The following PRMT8 variants were observed in gnomAD, a reference collection of about 807,000 sequenced individuals.
The protein encoded by PRMT8 is protein arginine N-methyltransferase 8.
In PRMT8, 7 loss-of-function variants were observed where a neutral mutation model predicts 47.1. That is an observed-to-expected ratio of 0.15 (90% CI 0.08 to 0.28). The LOEUF (loss-of-function observed/expected upper bound fraction) is 0.28. PRMT8 is among the 10% of genes least tolerant of loss of function. The pLI is 1.00. For synonymous variants in PRMT8, 188 were observed against 186.5 expected, an observed-to-expected ratio of 1.01 and a Z score of -0.07; for missense variants, 237 against 505.4, an observed-to-expected ratio of 0.47 and a Z score of 5.09.
At chr12:3,575,683 A>T (rs1009969322) in intron 6 of PRMT8, among the ~76,000 whole-genome samples, 2 of 152,246 alleles carry the variant, frequency 1.3e-5, no homozygotes, top group African/African-American at 4.8e-5. Flanking sequence ...TGCTGGGTAG[A>T]TTAAATGAAG....
At chr12:3,477,940 G>A (rs796692173) in intron 1 of PRMT8, among the ~76,000 whole-genome samples, 7 of 152,246 alleles carry the variant, frequency 4.6e-5, no homozygotes, top group African/African-American at 1.7e-4. Context: ...TTTCTCTTAG[G>A]TTGTATTCTG....
rs895567094 is a variant in PRMT8 at position 3,514,470 on chromosome 12, C to T, written c.75+22770C>T. Among the ~76,000 whole-genome samples the T allele has an allele frequency of 1.3e-5, 2 of 152,158 alleles. No homozygotes were observed. The highest frequency in any genetic ancestry group is 2.4e-5 in the African/African-American group (1 of 41,430). On this transcript the variant is annotated intron_variant, in intron 1 of 9. Transcript: ENST00000382622. This position sits in a 1 kb window ranked among gnomAD's most constrained non-coding sequence, Gnocchi z 5.9. ...CCTGCAGAGCCTCTCCAAATCCATC[C>T]GTACTTCCACTGAAGATGTCCAATA...
In PRMT8 at chr12:3,479,513, A is replaced by G. The variant is rs115881703; in HGVS notation, c.49-61093A>G. On this transcript the variant is annotated intron_variant, in intron 1 of 9. Coordinates refer to the PRMT8 transcript ENST00000452611. Reference sequence around the variant, plus strand: ...AAGCTGTTATGTCCTGTCTCTTGGCACTGGAGAGGATGGAATTTGAACCAG... The same window carrying G: ...AAGCTGTTATGTCCTGTCTCTTGGCGCTGGAGAGGATGGAATTTGAACCAG... 9.9e-3 allele frequency among the ~76,000 whole-genome samples: 1,511 copies of G among 152,284 alleles called. 30 individuals carry two copies. Among genetic ancestry groups the G allele is most frequent in the African/African-American group, 0.034 (1,411 of 41,556 alleles).
In PRMT8 at chr12:3,491,341, TTA is replaced by T; in HGVS notation, c.-284_-283del. Reference sequence around the variant, plus strand: ...GGCTTCGGGGCTGCTTCCCTCGAGCTTAGCCCGCAGCGCGGGTGGAGAGGGGC... The same window carrying T: ...GGCTTCGGGGCTGCTTCCCTCGAGCTGCCCGCAGCGCGGGTGGAGAGGGGC... On this transcript the variant is annotated 5_prime_UTR_variant, in exon 1 of 10. Transcript: ENST00000382622. 9.1e-7 allele frequency: 1 copy of T among 1,102,910 alleles called. No individual in the cohort carries two copies. Among genetic ancestry groups the T allele is most frequent in the Non-Finnish European group, 1.1e-6 (1 of 904,852 alleles). 68.3% of individuals were successfully genotyped at this position (1,102,910 alleles called of 1,614,324 possible).
At position 3,583,318 on chromosome 12, in the gene PRMT8, C is replaced by T. The variant is rs982521960; in HGVS notation, c.979+110C>T. 4 of 1,233,842 alleles carry T rather than the reference C, an allele frequency of 3.2e-6. No individual in the cohort carries two copies. In the African/African-American group the frequency reaches 4.6e-5, roughly 14 times the overall value. 76.4% of individuals were successfully genotyped at this position (1,233,842 alleles called of 1,614,324 possible). On this transcript the variant is annotated intron_variant, in intron 8 of 9. Transcript: ENST00000382622. This position sits in a 1 kb window ranked among gnomAD's most constrained non-coding sequence, Gnocchi z 4.7. ...TTGGGGAGAAGGGGCTGGGTGTTAG[C>T]TGGGTGACACCTATCAACCCTCTCC...
rs1565444822 is a variant in PRMT8, at chr12:3,568,846, C to T, written c.622C>T (p.Leu208=). The change falls in exon 5 of 10, where the codon CTG becomes TTG. Residue 208 remains leucine, a splice_region_variant and synonymous_variant. Coordinates refer to ENST00000382622, the MANE Select transcript of PRMT8 (RefSeq NM_019854.5). ...NTVIFARDKW[L]KPGGLMFPDR... is the part of the protein sequence containing the mutation. ...GGTGATCTTTGCCAGGGACAAGTGG[C>T]TGGTAAGTGTCCTGCATGCTGTCCC... 1 of 1,614,006 alleles carries T rather than the reference C, an allele frequency of 6.2e-7. No individual in the cohort carries two copies. Among genetic ancestry groups the T allele is most frequent in the Admixed American group, 1.7e-5 (1 of 60,008 alleles).
Position 3,409,962 on chromosome 12 carries a change from G to T in PRMT8, c.48+28520G>T, listed in dbSNP as rs1323674675. Among the ~76,000 whole-genome samples, 1 of 152,198 alleles carries T rather than the reference G, an allele frequency of 6.6e-6. No homozygotes were observed. Among genetic ancestry groups the T allele is most frequent in the Non-Finnish European group, 1.5e-5 (1 of 68,020 alleles). Reference sequence around the variant, plus strand: ...GGCAGGGTGTAGCAGCAACTGGGAGGCGTGGATGGAGTGGCTCTGGCCCTC... The same window carrying T: ...GGCAGGGTGTAGCAGCAACTGGGAGTCGTGGATGGAGTGGCTCTGGCCCTC... On this transcript the variant is annotated intron_variant, in intron 1 of 9. Coordinates refer to the PRMT8 transcript ENST00000452611. The surrounding 1 kb of genome is among the most constrained non-coding windows in gnomAD (Gnocchi z 4.4).
intron 1 of PRMT8, among the ~76,000 whole-genome samples, chr12:3,532,344 C>T (rs914838563): frequency 1.3e-5 from 2 of 149,374 alleles, no homozygotes; most frequent in African/African-American, 4.9e-5. Context: ...ATTAAGAATT[C>T]TCTTTATGTA....
chr12:3,474,548 G>A (rs1050129494), intron 1 of PRMT8, among the ~76,000 whole-genome samples: 1 of 152,066 alleles, frequency 6.6e-6, no homozygotes. Flanking sequence ...GAGAAGCTGT[G>A]CCTCATCTCC....
At chr12:3,414,663 T>C (rs1176753943) in intron 1 of PRMT8, among the ~76,000 whole-genome samples, 2 of 151,822 alleles carry the variant, frequency 1.3e-5, no homozygotes, top group Non-Finnish European at 2.9e-5. Flanking sequence ...CACAAATAGA[T>C]TGAAGGGCAG....
intron 1 of PRMT8, among the ~76,000 whole-genome samples, chr12:3,475,623 G>A (rs115193716): frequency 0.017 from 2,637 of 152,272 alleles, 77 homozygotes; most frequent in African/African-American, 0.061. Flanking sequence ...GACATCACTG[G>A]GGTATTCGCC....
chr12:3,439,390 G>C (rs182603397), intron 1 of PRMT8, among the ~76,000 whole-genome samples: 1 of 152,124 alleles, frequency 6.6e-6, no homozygotes, highest in Admixed American at 6.5e-5. Flanking sequence ...TGTCAGTCAT[G>C]TTACACCTTG....
chr12:3,407,046 G>A (rs1334829902), intron 1 of PRMT8, among the ~76,000 whole-genome samples: 1 of 152,198 alleles, frequency 6.6e-6, no homozygotes, highest in African/African-American at 2.4e-5. Flanking sequence ...CATGCCTGGG[G>A]AGGATTCAGG....
At chr12:3,531,696 A>G (rs1051362557) in intron 1 of PRMT8, among the ~76,000 whole-genome samples, 8 of 152,210 alleles carry the variant, frequency 5.3e-5, no homozygotes, top group African/African-American at 1.9e-4. Flanking sequence ...CAAGCGTCTC[A>G]GTGACCCTGG....
At chr12:3,388,248 A>T (rs959422714) in intron 1 of PRMT8, among the ~76,000 whole-genome samples, 1 of 152,166 alleles carries the variant, frequency 6.6e-6, no homozygotes, top group African/African-American at 2.4e-5. Context: ...GTTTTGCAAA[A>T]TCCCTTTAGT....
chr12:3,468,275 G>C (rs548696285), intron 1 of PRMT8, among the ~76,000 whole-genome samples: 1 of 152,342 alleles, frequency 6.6e-6, no homozygotes, highest in South Asian at 2.1e-4. Flanking sequence ...AAAAAATGAA[G>C]CAAGACTGAA....
intron 1 of PRMT8, among the ~76,000 whole-genome samples, chr12:3,512,849 T>C (rs1365923842): frequency 6.6e-6 from 1 of 152,180 alleles, no homozygotes; most frequent in Non-Finnish European, 1.5e-5. Flanking sequence ...TGCAGGGTGG[T>C]TGTTCCACAG....
chr12:3,593,078 C>A lies in PRMT8; in HGVS notation c.1102-21C>A. 2 of 1,609,540 alleles carry A rather than the reference C, an allele frequency of 1.2e-6. No individual in the cohort carries two copies. The highest frequency in any genetic ancestry group is 1.7e-4 in the Middle Eastern group (1 of 6,060). ...ATACCCAGACGGCCGCCTGACCCTTCGCTCTCTCTCTGCCTTGCAGCGAGA... is the reference window on the plus strand; with the variant it reads ...ATACCCAGACGGCCGCCTGACCCTTAGCTCTCTCTCTGCCTTGCAGCGAGA... On this transcript the variant is annotated intron_variant, in intron 9 of 9. Transcript: ENST00000382622. The surrounding 1 kb of genome is among the most constrained non-coding windows in gnomAD (Gnocchi z 4.8).
At chr12:3,475,111 G>C (rs1323346484) in intron 1 of PRMT8, among the ~76,000 whole-genome samples, 3 of 152,142 alleles carry the variant, frequency 2.0e-5, no homozygotes, top group Admixed American at 2.0e-4. Context: ...TGACTGCCTG[G>C]CCACTAAAAG....
Sources: gnomAD v4.1 joint callset for allele counts (sites outside exome capture counted in the v4.1 genomes callset) on GRCh38, gnomAD v4.1.1 for gene constraint, Gnocchi (gnomAD v3.1) non-coding constraint, MANE v1.5 for transcripts, NCBI Gene and HGNC (gene_info 2026-07-23, HGNC 2026-07-21) for gene names.